SNTG2: variants seen among roughly 807,000 people sequenced by gnomAD.
The protein encoded by SNTG2 is gamma-2-syntrophin.
SNTG2 carries 74 observed loss-of-function variants against 70.9 expected under a neutral mutation model. The ratio of observed to expected loss-of-function variants is 1.04; its 90% CI spans 0.86 to 1.27. The LOEUF is 1.27. SNTG2 is among the 50% of genes most tolerant of loss of function. The pLI, the probability that SNTG2 is intolerant of heterozygous loss-of-function variation, is 0.00. For missense variants in SNTG2, 717 were observed against 690.7 expected, an observed-to-expected ratio of 1.04 and a Z score of -0.43; for synonymous variants, 278 against 273.8, an observed-to-expected ratio of 1.02 and a Z score of -0.15.
intron 16 of SNTG2, among the ~76,000 whole-genome samples, chr2:1,322,371 G>C (rs12465180): frequency 0.14 from 21,772 of 152,116 alleles, 1,603 homozygotes; most frequent in Admixed American, 0.21. Context: ...GCCCTAGGAG[G>C]GAAAATCCAC....
chr2:1,334,575 G>C (rs1332923226), intron 16 of SNTG2, among the ~76,000 whole-genome samples: 1 of 152,098 alleles, frequency 6.6e-6, no homozygotes, highest in Non-Finnish European at 1.5e-5. Flanking sequence ...GATAAAGAAA[G>C]TATGGTACAT....
Position 1,268,284 on chromosome 2 carries a change from G to A in SNTG2, c.1284+713G>A, listed in dbSNP as rs552497173. Among the ~76,000 whole-genome samples the A allele has an allele frequency of 2.0e-5, 3 of 152,284 alleles. No individual in the cohort carries two copies. In the South Asian group the frequency reaches 6.2e-4, roughly 32 times the overall value. ...GGGCTCCCGCCTGGCTGAGCGCGGAGAATGCTGAGTGTGAACTTAGTAACT... is the reference window on the plus strand; with the variant it reads ...GGGCTCCCGCCTGGCTGAGCGCGGAAAATGCTGAGTGTGAACTTAGTAACT... On this transcript the variant is annotated intron_variant, in intron 14 of 16. Transcript: ENST00000308624.
At chr2:1,067,103 CTAAAA>C (rs1280264631) in intron 1 of SNTG2, among the ~76,000 whole-genome samples, 2 of 150,182 alleles carry the variant, frequency 1.3e-5, no homozygotes, top group Admixed American at 6.6e-5. Flanking sequence ...TTTCCATAGT[CTAAAA>C]TAAAACAGCA....
At chr2:1,080,970 G>A (rs1664250257) in intron 1 of SNTG2, among the ~76,000 whole-genome samples, 2 of 152,262 alleles carry the variant, frequency 1.3e-5, no homozygotes, top group Non-Finnish European at 1.5e-5. Context: ...GAGCCTGAGA[G>A]CTGTCAGTCA....
rs1662493329 is a variant in SNTG2 at position 1,056,959 on chromosome 2, AGGG to A, written c.73-26558_73-26556del. ...GAGAGCGCGGCGCCCCGCTGTGGGG[AGGG>A]AGGGAGGGAGAGCGCGGGGCCACCC... On this transcript the variant is annotated intron_variant, in intron 1 of 16. Transcript: ENST00000308624. Among the ~76,000 whole-genome samples, 5 of 6,646 alleles carry A rather than the reference AGGG, an allele frequency of 7.5e-4. 1 individual carries two copies. The highest frequency in any genetic ancestry group is 2.2e-3 in the African/African-American group (4 of 1,800). The allele number at this position is 6,646 out of a possible 152,430, so 4.4% of individuals were successfully genotyped here. A position where few individuals can be genotyped will look rare whatever the true frequency, so the allele number is the denominator to read the frequency against.
intron 14 of SNTG2, among the ~76,000 whole-genome samples, chr2:1,300,486 G>A (rs915884026): frequency 6.6e-6 from 1 of 152,156 alleles, no homozygotes; most frequent in African/African-American, 2.4e-5. Context: ...CACAAGCTGC[G>A]GCCCCAGGGT....
At chr2:1,306,241 G>A (rs1460947388) in intron 14 of SNTG2, among the ~76,000 whole-genome samples, 1 of 152,104 alleles carries the variant, frequency 6.6e-6, no homozygotes, top group Admixed American at 6.5e-5. Context: ...ATTTGTGACC[G>A]CCGGCTGTGT....
intron 9 of SNTG2, among the ~76,000 whole-genome samples, chr2:1,235,647 G>T (rs568396762): frequency 6.7e-4 from 101 of 150,368 alleles, no homozygotes; most frequent in African/African-American, 2.3e-3. Context: ...TTCATGAGAG[G>T]AGGCACCCTT....
intron 8 of SNTG2, among the ~76,000 whole-genome samples, chr2:1,190,444 T>C (rs1672511784): frequency 6.8e-6 from 1 of 147,436 alleles, no homozygotes; most frequent in East Asian, 2.0e-4. Context: ...GTATTTTCAA[T>C]GCATGGTTGA....
At chr2:1,078,948 A>G (rs1664101241) in intron 1 of SNTG2, among the ~76,000 whole-genome samples, 1 of 152,158 alleles carries the variant, frequency 6.6e-6, no homozygotes, top group Non-Finnish European at 1.5e-5. Flanking sequence ...GTTGGATGAG[A>G]AGGGGTTTTG....
At chr2:1,237,719 T>G (rs990940138) in intron 9 of SNTG2, among the ~76,000 whole-genome samples, 169 bp from the exon 10 acceptor site, 1 of 152,258 alleles carries the variant, frequency 6.6e-6, no homozygotes, top group African/African-American at 2.4e-5. Flanking sequence ...GGGTTTGGTC[T>G]TGGTCTCAGC....
At chr2:1,319,082 CAGAA>C (rs2148268155) in intron 16 of SNTG2, among the ~76,000 whole-genome samples, 1 of 152,292 alleles carries the variant, frequency 6.6e-6, no homozygotes, top group South Asian at 2.1e-4. Flanking sequence ...TCACCTAAGA[CAGAA>C]AGGCCTGAAA....
At chr2:968,635 C>T (rs1660643958) in intron 1 of SNTG2, among the ~76,000 whole-genome samples, 1 of 152,100 alleles carries the variant, frequency 6.6e-6, no homozygotes, top group South Asian at 2.1e-4. Context: ...TAGAGTGGTG[C>T]TTTAATCCCT....
At chr2:1,171,158 A>G (rs1041865713) in intron 7 of SNTG2, among the ~76,000 whole-genome samples, 3 of 152,216 alleles carry the variant, frequency 2.0e-5, no homozygotes, top group African/African-American at 7.2e-5. Flanking sequence ...TTAAAAAATA[A>G]TGGACTTTTA....
At chr2:1,278,172 T>C (rs1219552533) in intron 14 of SNTG2, among the ~76,000 whole-genome samples, 1 of 152,224 alleles carries the variant, frequency 6.6e-6, no homozygotes, top group Admixed American at 6.5e-5. Flanking sequence ...TTCACCTGCT[T>C]AATCACAGTA....
rs4588233 is a variant in SNTG2 at position 1,294,190 on chromosome 2, C to T, written c.1285-14304C>T. On this transcript the variant is annotated intron_variant, in intron 14 of 16. Coordinates refer to ENST00000308624, the MANE Select transcript of SNTG2 (RefSeq NM_018968.4). ...GGAATGGTATGCTGAACAACTCCCA[C>T]GCATGGGGACACTGGGGACAGACCC... 4.5e-3 allele frequency among the ~76,000 whole-genome samples: 682 copies of T among 152,242 alleles called. 6 individuals are homozygous for T. The highest frequency in any genetic ancestry group is 0.015 in the African/African-American group (636 of 41,548).
chr2:1,209,004 T>A, intron 8 of SNTG2, 99 bp from the exon 9 acceptor site: 1 of 1,443,304 alleles, frequency 6.9e-7, no homozygotes, highest in Non-Finnish European at 9.4e-7. Flanking sequence ...TTGAAATGTG[T>A]TGGACTTGAG....
rs1474811775 is a variant in SNTG2 at position 1,242,129 on chromosome 2, G to C, written c.888+2353G>C. On this transcript the variant is annotated intron_variant, in intron 11 of 16. Coordinates refer to ENST00000308624, the MANE Select transcript of SNTG2 (RefSeq NM_018968.4). ...ATGAAGAACTAGCCCTGCTATATCC[G>C]GATGCGCTTTTGGTGGAGGATGGTT... Among the ~76,000 whole-genome samples, 3 of 152,072 alleles carry C rather than the reference G, an allele frequency of 2.0e-5. 1 individual carries two copies. The highest frequency in any genetic ancestry group is 2.0e-4 in the Admixed American group (3 of 15,254).
At chr2:1,240,246 C>T (rs1168546438) in intron 11 of SNTG2, among the ~76,000 whole-genome samples, 4 of 152,168 alleles carry the variant, frequency 2.6e-5, no homozygotes, top group African/African-American at 9.7e-5. Context: ...CTGTCATCCC[C>T]AAATCCAGGC....
Sources: gnomAD v4.1 joint callset for allele counts (sites outside exome capture counted in the v4.1 genomes callset) on GRCh38, gnomAD v4.1.1 for gene constraint, MANE v1.5 for transcripts, NCBI Gene and HGNC (gene_info 2026-07-23, HGNC 2026-07-21) for gene names.